Variants in GTPBP2 observed in about 807,000 individuals in gnomAD.
GTPBP2 encodes GTP binding protein 2.
Under a neutral mutation model 63.0 loss-of-function variants are expected in GTPBP2, and 32 were observed. That is an observed-to-expected ratio of 0.51 (90% CI 0.38 to 0.68). GTPBP2 has a LOEUF of 0.68. Ranked by LOEUF, GTPBP2 falls within the 30% of genes least tolerant of loss-of-function variation. The probability of loss-of-function intolerance (pLI) is 0.00; values close to 1 mark genes in which losing one functional copy is unlikely to be tolerated. For missense variants in GTPBP2, 492 were observed against 796.9 expected, an observed-to-expected ratio of 0.62 and a Z score of 4.61; for synonymous variants, 310 against 322.6, an observed-to-expected ratio of 0.96 and a Z score of 0.42.
In GTPBP2 at chr6:43,623,491, G is replaced by T. The variant is rs1768992833; in HGVS notation, c.1295+246C>A. The T allele has an allele frequency of 7.2e-6, 4 of 557,010 alleles. No homozygotes were observed. The Admixed American group carries it at 1.3e-4, about 17-fold the overall frequency. The allele number at this position is 557,010 out of a possible 1,614,324, so 34.5% of individuals were successfully genotyped here. A position where few individuals can be genotyped will look rare whatever the true frequency, so the allele number is the denominator to read the frequency against. ...AATACACTCTAGTTTTCTTCCTGGA[G>T]CTCAAGACCCACACTTCTCTCTCAG... On this transcript the variant is annotated intron_variant, in intron 9 of 11. Coordinates refer to ENST00000307126, the MANE Select transcript of GTPBP2 (RefSeq NM_019096.5).
chr6:43,629,210 C>A lies in GTPBP2; in HGVS notation c.-48G>T. ...GCCCGGCCCCTCCCCCGACCGCCGC[C>A]GCCGTCGCCGCCGCCCTTACTGCCA... On this transcript the variant is annotated 5_prime_UTR_variant, in exon 1 of 12. Coordinates refer to ENST00000307126, the MANE Select transcript of GTPBP2 (RefSeq NM_019096.5). 1 of 1,249,502 alleles carries A rather than the reference C, an allele frequency of 8.0e-7. No homozygotes were observed. Among genetic ancestry groups the A allele is most frequent in the South Asian group, 2.2e-5 (1 of 45,916 alleles). 77.4% of individuals were successfully genotyped at this position (1,249,502 alleles called of 1,614,324 possible).
rs139870067 is a variant in GTPBP2 at position 43,622,407 on chromosome 6, G to A, written c.1467+226C>T. ...TAGGGTCCTGAACACTAAAAATAGTGTTCATTAAAAACAGTGTAACATAGT... is the reference window on the plus strand; with the variant it reads ...TAGGGTCCTGAACACTAAAAATAGTATTCATTAAAAACAGTGTAACATAGT... On this transcript the variant is annotated intron_variant, in intron 10 of 11. Coordinates refer to ENST00000307126, the MANE Select transcript of GTPBP2 (RefSeq NM_019096.5). The surrounding 1 kb of genome is among the most constrained non-coding windows in gnomAD (Gnocchi z 5.4). 2.5e-4 allele frequency among the ~76,000 whole-genome samples: 38 copies of A among 152,280 alleles called. No homozygotes were observed. Among genetic ancestry groups the A allele is most frequent in the African/African-American group, 8.4e-4 (35 of 41,562 alleles).
chr6:43,626,126 A>G lies in GTPBP2; in HGVS notation c.398+100T>C. 2.7e-6 allele frequency: 3 copies of G among 1,131,344 alleles called. No individual in the cohort carries two copies. The highest frequency in any genetic ancestry group is 3.9e-6 in the Non-Finnish European group (3 of 769,124). The allele number at this position is 1,131,344 out of a possible 1,614,324, so 70.1% of individuals were successfully genotyped here. A position where few individuals can be genotyped will look rare whatever the true frequency, so the allele number is the denominator to read the frequency against. On this transcript the variant is annotated intron_variant, in intron 3 of 11. Transcript: ENST00000307126. This position sits in a 1 kb window ranked among gnomAD's most constrained non-coding sequence, Gnocchi z 4.0. The stretch of plus-strand genomic sequence containing the variant: ...CCCACTTCAGCCCTTTGTCAAGAGA[A>G]GGAAAGTCCCACCTTGGCCCCTCAG...
Position 43,627,245 on chromosome 6 carries a change from T to C in GTPBP2, c.187-297A>G, listed in dbSNP as rs988823324. ...CAGCACGTTCTTCCTAGATGCAAGA[T>C]CATCCCTTCCTCCCCACCTCCAGGG... On this transcript the variant is annotated intron_variant, in intron 1 of 11. Coordinates refer to ENST00000307126, the MANE Select transcript of GTPBP2 (RefSeq NM_019096.5). 3.6e-6 allele frequency: 4 copies of C among 1,105,368 alleles called. No individual in the cohort carries two copies. In the Admixed American group the frequency reaches 1.8e-4, roughly 50 times the overall value. 68.5% of individuals were successfully genotyped at this position (1,105,368 alleles called of 1,614,324 possible). A position where few individuals can be genotyped will look rare whatever the true frequency, so the allele number is the denominator to read the frequency against.
chr6:43,624,168 G>GGCCCCTCTCTCCTGTCTGCAA lies in GTPBP2; in HGVS notation c.1101-121_1101-101dup, dbSNP rs1769084195. 5 of 1,103,482 alleles carry GGCCCCTCTCTCCTGTCTGCAA rather than the reference G, an allele frequency of 4.5e-6. No homozygotes were observed. The Admixed American group carries it at 1.3e-4, about 28-fold the overall frequency. 68.4% of individuals were successfully genotyped at this position (1,103,482 alleles called of 1,614,324 possible). A position where few individuals can be genotyped will look rare whatever the true frequency, so the allele number is the denominator to read the frequency against. On this transcript the variant is annotated intron_variant, in intron 7 of 11. Transcript: ENST00000307126. The surrounding 1 kb of genome is among the most constrained non-coding windows in gnomAD (Gnocchi z 5.1). ...AAAGGTGAGCTTTGTTCTGGCTGGGGGCCCCTCTCTCCTGTCTGCAAATGG... is the reference window on the plus strand; with the variant it reads ...AAAGGTGAGCTTTGTTCTGGCTGGGGGCCCCTCTCTCCTGTCTGCAAGCCCCTCTCTCCTGTCTGCAAATGG...
In GTPBP2 at chr6:43,626,282, C is replaced by G; in HGVS notation, c.342G>C (p.Gly114=). 3.7e-6 allele frequency: 6 copies of G among 1,614,210 alleles called. No homozygotes were observed. Among genetic ancestry groups the G allele is most frequent in the Non-Finnish European group, 5.1e-6 (6 of 1,180,016 alleles). The change falls in exon 3 of 12, where the codon GGG becomes GGC. Residue 114 remains glycine (G), a synonymous_variant. Coordinates refer to ENST00000307126, the MANE Select transcript of GTPBP2 (RefSeq NM_019096.5). The surrounding 1 kb of genome is among the most constrained non-coding windows in gnomAD (Gnocchi z 4.0). ...IGVEDNGLLV[G]LAEEEMRASL... ...AAGCTCGCATTTCCTCCTCAGCCAGCCCCACCAGCAGCCCATTGTCCTCTA... is the reference window on the plus strand; with the variant it reads ...AAGCTCGCATTTCCTCCTCAGCCAGGCCCACCAGCAGCCCATTGTCCTCTA...
At chr6:43,629,577 C>A, upstream of GTPBP2, 1 of 709,322 alleles carries the variant, frequency 1.4e-6, no homozygotes, top group Non-Finnish European at 2.5e-6. Context: ...GGTGGGGACG[C>A]GAGGACACCA....
intron 1 of GTPBP2, 67 bp from the exon 2 acceptor site, chr6:43,627,015 C>A (rs1769416258): frequency 2.2e-6 from 3 of 1,389,304 alleles, no homozygotes; most frequent in Non-Finnish European, 2.0e-6. Flanking sequence ...CCTCAATTCC[C>A]ACTGGGTCCA....
chr6:43,626,085 C>G lies in GTPBP2; in HGVS notation c.398+141G>C, dbSNP rs112875464. 2.4e-6 allele frequency: 2 copies of G among 845,064 alleles called. No homozygotes were observed. Among genetic ancestry groups the G allele is most frequent in the Non-Finnish European group, 3.8e-6 (2 of 522,278 alleles). The allele number at this position is 845,064 out of a possible 1,614,324, so 52.3% of individuals were successfully genotyped here. A position where few individuals can be genotyped will look rare whatever the true frequency, so the allele number is the denominator to read the frequency against. Reference sequence around the variant, plus strand: ...AGCCTAGGTCCAGTGAGGAGGGGACCAAAACACTAACCCTCCCCACTTCAG... The same window carrying G: ...AGCCTAGGTCCAGTGAGGAGGGGACGAAAACACTAACCCTCCCCACTTCAG... On this transcript the variant is annotated intron_variant, in intron 3 of 11. Coordinates refer to ENST00000307126, the MANE Select transcript of GTPBP2 (RefSeq NM_019096.5). This position sits in a 1 kb window ranked among gnomAD's most constrained non-coding sequence, Gnocchi z 4.0.
Position 43,625,257 on chromosome 6 carries a change from A to G in GTPBP2, c.705+106T>C. ...CACAGTCCCCTCAGGGCATTCATCT[A>G]TACTATTTCAAAAAGTCTCCACACT... On this transcript the variant is annotated intron_variant, in intron 5 of 11. Coordinates refer to ENST00000307126, the MANE Select transcript of GTPBP2 (RefSeq NM_019096.5). The surrounding 1 kb of genome is among the most constrained non-coding windows in gnomAD (Gnocchi z 5.1). 2 of 1,131,898 alleles carry G rather than the reference A, an allele frequency of 1.8e-6. No individual in the cohort carries two copies. Among genetic ancestry groups the G allele is most frequent in the South Asian group, 2.6e-5 (2 of 75,474 alleles). 70.1% of individuals were successfully genotyped at this position (1,131,898 alleles called of 1,614,324 possible).
At chr6:43,628,574 G>T in intron 1 of GTPBP2, 3 of 982,830 alleles carry the variant, frequency 3.1e-6, no homozygotes, top group Non-Finnish European at 2.4e-6. Flanking sequence ...TCTTTTCCCG[G>T]GTACTCCCCT....
In GTPBP2 at chr6:43,625,288, C is replaced by T; in HGVS notation, c.705+75G>A. 2.2e-6 allele frequency: 3 copies of T among 1,387,932 alleles called. No individual in the cohort carries two copies. The highest frequency in any genetic ancestry group is 3.1e-6 in the Non-Finnish European group (3 of 975,896). 86.0% of individuals were successfully genotyped at this position (1,387,932 alleles called of 1,614,324 possible). ...TTTCAAAAAGTCTCCACACTCTACCCCCATCCTATGTCCTTCACTACTACC... is the reference window on the plus strand; with the variant it reads ...TTTCAAAAAGTCTCCACACTCTACCTCCATCCTATGTCCTTCACTACTACC... On this transcript the variant is annotated intron_variant, in intron 5 of 11. Coordinates refer to ENST00000307126, the MANE Select transcript of GTPBP2 (RefSeq NM_019096.5). The surrounding 1 kb of genome is among the most constrained non-coding windows in gnomAD (Gnocchi z 5.1).
At chr6:43,627,010 A>G (rs1582352198) in intron 1 of GTPBP2, 62 bp from the exon 2 acceptor site, 33 of 1,411,314 alleles carry the variant, frequency 2.3e-5, no homozygotes, top group African/African-American at 2.2e-4. Context: ...CTTCCCCTCA[A>G]TTCCCACTGG....
rs574343403 is a variant in GTPBP2, at chr6:43,626,098, C to G, written c.398+128G>C. The G allele has an allele frequency of 4.4e-6, 4 of 909,324 alleles. No homozygotes were observed. In the Admixed American group the frequency reaches 6.3e-5, roughly 14 times the overall value. 56.3% of individuals were successfully genotyped at this position (909,324 alleles called of 1,614,324 possible). ...TGAGGAGGGGACCAAAACACTAACC[C>G]TCCCCACTTCAGCCCTTTGTCAAGA... On this transcript the variant is annotated intron_variant, in intron 3 of 11. Coordinates refer to ENST00000307126, the MANE Select transcript of GTPBP2 (RefSeq NM_019096.5). This position sits in a 1 kb window ranked among gnomAD's most constrained non-coding sequence, Gnocchi z 4.0.
rs1769043559 is a variant in GTPBP2, at chr6:43,623,814, C to T, written c.1237-19G>A. 6.2e-7 allele frequency: 1 copy of T among 1,612,470 alleles called. No homozygotes were observed. Among genetic ancestry groups the T allele is most frequent in the Non-Finnish European group, 8.5e-7 (1 of 1,178,498 alleles). ...CATCCACCTGAAGCCAAAGAAAACGCTATCAATGGCCTGCCAAGTAGGGCT... is the reference window on the plus strand; with the variant it reads ...CATCCACCTGAAGCCAAAGAAAACGTTATCAATGGCCTGCCAAGTAGGGCT... On this transcript the variant is annotated intron_variant, in intron 8 of 11. Transcript: ENST00000307126.
At position 43,626,207 on chromosome 6, in the gene GTPBP2, T is replaced by C; in HGVS notation, c.398+19A>G. 6.2e-7 allele frequency: 1 copy of C among 1,608,900 alleles called. No homozygotes were observed. Among genetic ancestry groups the C allele is most frequent in the Non-Finnish European group, 8.5e-7 (1 of 1,176,158 alleles). ...CCCAAGTCAGGTAAAGGAGAACTGG[T>C]GGGGAAGGGGAAGCATACTTCTCTG... On this transcript the variant is annotated intron_variant, in intron 3 of 11. Coordinates refer to ENST00000307126, the MANE Select transcript of GTPBP2 (RefSeq NM_019096.5). The surrounding 1 kb of genome is among the most constrained non-coding windows in gnomAD (Gnocchi z 4.0).
chr6:43,623,414 G>GA (rs1768983105), intron 9 of GTPBP2: 1 of 325,254 alleles, frequency 3.1e-6, no homozygotes, highest in African/African-American at 2.1e-5. Flanking sequence ...AAGAAAGAAA[G>GA]AAGAGTCTTA....
upstream of GTPBP2, chr6:43,629,782 G>C (rs1042230025): frequency 1.3e-6 from 2 of 1,563,788 alleles, no homozygotes; most frequent in African/African-American, 2.7e-5. Flanking sequence ...GAGTCAGGGC[G>C]AACGCCAGGG....
chr6:43,626,020 T>C lies in GTPBP2; in HGVS notation c.399-156A>G, dbSNP rs60839800. Among the ~76,000 whole-genome samples, 4,993 of 152,192 alleles carry C rather than the reference T, an allele frequency of 0.033. 266 individuals carry two copies. The highest frequency in any genetic ancestry group is 0.11 in the African/African-American group (4,618 of 41,476). ...AATCTATTCCTCATTCACAGTTCCC[T>C]TTAAAACAAATATACATATCTTAAT... On this transcript the variant is annotated intron_variant, in intron 3 of 11. Transcript: ENST00000307126. This position sits in a 1 kb window ranked among gnomAD's most constrained non-coding sequence, Gnocchi z 4.0.
Sources: gnomAD v4.1 joint callset for allele counts (sites outside exome capture counted in the v4.1 genomes callset) on GRCh38, gnomAD v4.1.1 for gene constraint, Gnocchi (gnomAD v3.1) non-coding constraint, MANE v1.5 for transcripts, NCBI Gene and HGNC (gene_info 2026-07-23, HGNC 2026-07-21) for gene names.